The following HEATR1 variants were observed in gnomAD, a reference collection of about 807,000 sequenced individuals.
HEATR1 encodes the protein HEAT repeat containing 1.
A neutral mutation model predicts 248.2 loss-of-function variants in HEATR1; 77 were observed. The ratio of observed to expected loss-of-function variants is 0.31; its 90% CI spans 0.26 to 0.37. The LOEUF (loss-of-function observed/expected upper bound fraction) is 0.37, where lower values mean the gene tolerates loss of function less well. Among genes scored for constraint, HEATR1 ranks in the 10% least tolerant of loss-of-function variants. HEATR1 has a pLI of 1.00. For synonymous variants in HEATR1, 897 were observed against 923.1 expected (o/e 0.97, Z 0.51); for missense variants, 2,420 against 2,504.9 (o/e 0.97, Z 0.72).
chr1:236,566,166 C>T lies in HEATR1; in HGVS notation c.4309-121G>A, dbSNP rs563100593. On this transcript the variant is annotated intron_variant, in intron 30 of 44. Transcript: ENST00000366582. ...GTATACTACTTTATTTAGAGTGGGT[C>T]GAGATCTACTCCCAGATCCCATGTC... 2.5e-4 allele frequency: 220 copies of T among 877,852 alleles called. 2 individuals are homozygous for T. The South Asian group carries it at 3.2e-3, about 13-fold the overall frequency. The allele number at this position is 877,852 out of a possible 1,614,324, so 54.4% of individuals were successfully genotyped here. A position where few individuals can be genotyped will look rare whatever the true frequency, so the allele number is the denominator to read the frequency against.
At chr1:236,566,308 A>G (rs1352348827) in intron 30 of HEATR1, among the ~76,000 whole-genome samples, 1 of 152,088 alleles carries the variant, frequency 6.6e-6, no homozygotes, top group Non-Finnish European at 1.5e-5. Flanking sequence ...TTTCCCCACA[A>G]ACTGCCTTCA....
chr1:236,566,196 A>G, intron 30 of HEATR1, 151 bp from the exon 31 acceptor site: 1 of 723,544 alleles, frequency 1.4e-6, no homozygotes, highest in South Asian at 2.1e-5. Context: ...CATGTCTAAG[A>G]AGTCATTTAA....
intron 35 of HEATR1, 118 bp downstream of exon 35, chr1:236,558,877 T>G (rs1412615506): frequency 2.3e-6 from 2 of 882,830 alleles, no homozygotes; most frequent in African/African-American, 3.4e-5. Context: ...GGTATTATAT[T>G]CAGAAAATAA....
intron 4 of HEATR1, 104 bp from the exon 5 acceptor site, chr1:236,598,083 T>C: frequency 1.6e-6 from 1 of 624,554 alleles, no homozygotes. Flanking sequence ...AATTCATAAA[T>C]AAAAAATATA....
At position 236,583,094 on chromosome 1, in the gene HEATR1, C is replaced by A; in HGVS notation, c.2344G>T (p.Ala782Ser). 6.2e-7 allele frequency: 1 copy of A among 1,614,134 alleles called. No individual in the cohort carries two copies. Among genetic ancestry groups the A allele is most frequent in the South Asian group, 1.1e-5 (1 of 91,088 alleles). Residue 782 changes from alanine to serine, a missense_variant, in exon 18 of 45, where the codon GCC becomes TCC. Coordinates refer to ENST00000366582, the MANE Select transcript of HEATR1 (RefSeq NM_018072.6). ...VEELNSTQRV[A>S]VEDSVFLVFS... ...ACAAGAAAAACCGAGTCCTCCACGG[C>A]CACCCTCTGAGTGCTGTTGAGCTCT...
chr1:236,563,471 A>G (rs989641047), intron 32 of HEATR1, among the ~76,000 whole-genome samples: 1 of 151,790 alleles, frequency 6.6e-6, no homozygotes, highest in Admixed American at 6.6e-5. Context: ...TTTAGTAGAG[A>G]CCATGTTAGC....
chr1:236,603,055 A>G (rs1219469190), intron 3 of HEATR1, 105 bp downstream of exon 3: 3 of 757,454 alleles, frequency 4.0e-6, no homozygotes, highest in Admixed American at 4.3e-5. Context: ...CAATCTCTTA[A>G]TATACCTAAT....
chr1:236,591,142 T>C (rs951441506), intron 11 of HEATR1, among the ~76,000 whole-genome samples, 188 bp from the exon 12 acceptor site: 2 of 147,774 alleles, frequency 1.4e-5, no homozygotes, highest in Non-Finnish European at 3.0e-5. Flanking sequence ...ATGAAAAAAT[T>C]TGTATTGTTA....
chr1:236,587,478 G>A lies in HEATR1; in HGVS notation c.1639C>T (p.His547Tyr). Reference protein sequence around the residue: ...AISAFEIFKEHFSSEVTISNL... With the variant: ...AISAFEIFKEYFSSEVTISNL... ...GAAATCGTCACTTCTGAACTGAAGT[G>A]TTCTTTGAAAATCTAAAGGGAAAAA... The change falls in exon 14 of 45, where the codon CAC (histidine) becomes TAC (tyrosine). Residue 547 changes from histidine (H) to tyrosine (Y), a missense_variant. By Grantham distance (83) the His-to-Tyr change is moderately conservative. Coordinates refer to ENST00000366582, the MANE Select transcript of HEATR1 (RefSeq NM_018072.6). 3 of 1,507,620 alleles carry A rather than the reference G, an allele frequency of 2.0e-6. No homozygotes were observed. Among genetic ancestry groups the A allele is most frequent in the South Asian group, 1.4e-5 (1 of 73,640 alleles). The allele number at this position is 1,507,620 out of a possible 1,614,324, so 93.4% of individuals were successfully genotyped here. A position where few individuals can be genotyped will look rare whatever the true frequency, so the allele number is the denominator to read the frequency against.
intron 30 of HEATR1, 70 bp from the exon 31 acceptor site, chr1:236,566,115 T>C: frequency 6.8e-7 from 1 of 1,465,418 alleles, no homozygotes; most frequent in East Asian, 2.4e-5. Flanking sequence ...CAGGATAATG[T>C]GCGTTAGGAT....
In HEATR1 at chr1:236,587,500, A is replaced by C; in HGVS notation, c.1627-10T>G. On this transcript the variant is annotated splice_polypyrimidine_tract_variant and intron_variant, in intron 13 of 44. Coordinates refer to ENST00000366582, the MANE Select transcript of HEATR1 (RefSeq NM_018072.6). ...AGTGTTCTTTGAAAATCTAAAGGGA[A>C]AAAAATATCCAGAGTAGATTTGTAC... is the stretch of plus-strand genomic sequence containing the variant. The C allele has an allele frequency of 7.2e-7, 1 of 1,393,742 alleles. No homozygotes were observed. Among genetic ancestry groups the C allele is most frequent in the Non-Finnish European group, 9.8e-7 (1 of 1,025,300 alleles). The allele number at this position is 1,393,742 out of a possible 1,614,324, so 86.3% of individuals were successfully genotyped here. A position where few individuals can be genotyped will look rare whatever the true frequency, so the allele number is the denominator to read the frequency against.
intron 3 of HEATR1, among the ~76,000 whole-genome samples, chr1:236,601,744 G>A (rs535106257): frequency 2.2e-4 from 34 of 152,218 alleles, no homozygotes; most frequent in African/African-American, 6.3e-4. Flanking sequence ...GGCTGAGATC[G>A]GAGGATCATT....
At position 236,579,909 on chromosome 1, in the gene HEATR1, A is replaced by G. The variant is rs543836577; in HGVS notation, c.2755+1313T>C. ...TAACTTGCTTTCACAGAACATTTAC[A>G]AAGAGTAATTTTGGAATTAAAAAAA... On this transcript the variant is annotated intron_variant, in intron 20 of 44. Coordinates refer to ENST00000366582, the MANE Select transcript of HEATR1 (RefSeq NM_018072.6). 3.3e-5 allele frequency among the ~76,000 whole-genome samples: 5 copies of G among 149,444 alleles called. No individual in the cohort carries two copies. The Admixed American group carries it at 3.4e-4, about 10-fold the overall frequency.
intron 20 of HEATR1, among the ~76,000 whole-genome samples, 175 bp downstream of exon 20, chr1:236,581,047 T>A (rs1229281917): frequency 6.6e-6 from 1 of 151,882 alleles, no homozygotes; most frequent in African/African-American, 2.4e-5. Context: ...CTTGATCTCC[T>A]GACCTCATGA....
intron 44 of HEATR1, chr1:236,551,350 C>T (rs1662733737): frequency 4.9e-6 from 1 of 203,156 alleles, no homozygotes; most frequent in Admixed American, 5.4e-5. Flanking sequence ...GACTGATCTA[C>T]TTGCTCCACC....
rs916070176 is a variant in HEATR1 at position 236,572,767 on chromosome 1, A to C, written c.3521T>G (p.Leu1174Trp). The change falls in exon 25 of 45, where the codon TTG becomes TGG. Residue 1174 changes from leucine to tryptophan, a missense_variant. Coordinates refer to ENST00000366582, the MANE Select transcript of HEATR1 (RefSeq NM_018072.6). ...CCTTCTTTTTTGCTGAACTGTGCCC[A>C]AGGGTTTAGCTTTATCTGGTGGCTC... ...ELEPPDKAKP[L>W]GTVQQKRRQK... is the part of the protein sequence containing the mutation. 1 of 1,613,882 alleles carries C rather than the reference A, an allele frequency of 6.2e-7. No homozygotes were observed. The highest frequency in any genetic ancestry group is 8.5e-7 in the Non-Finnish European group (1 of 1,179,892).
Position 236,596,880 on chromosome 1 carries a change from C to A in HEATR1, c.700G>T (p.Val234Leu). The A allele has an allele frequency of 6.2e-7, 1 of 1,614,034 alleles. No individual in the cohort carries two copies. Among genetic ancestry groups the A allele is most frequent in the Non-Finnish European group, 8.5e-7 (1 of 1,179,936 alleles). Residue 234 changes from valine to leucine, a missense_variant, in exon 6 of 45, where the codon GTA becomes TTA. By Grantham distance (32) the Val-to-Leu change is conservative. Coordinates refer to ENST00000366582, the MANE Select transcript of HEATR1 (RefSeq NM_018072.6). Reference sequence around the variant, plus strand: ...AGTTTGGCGATGATATTGTCTGATACGTCCTCTGCAGCTACCAGCGCCGAC... The same window carrying A: ...AGTTTGGCGATGATATTGTCTGATAAGTCCTCTGCAGCTACCAGCGCCGAC... Reference protein sequence around the residue: ...IVSALVAAEDVSDNIIAKLFP... With the variant: ...IVSALVAAEDLSDNIIAKLFP...
At chr1:236,576,150 C>A in intron 22 of HEATR1, 69 bp downstream of exon 22, 1 of 1,231,462 alleles carries the variant, frequency 8.1e-7, no homozygotes, top group Non-Finnish European at 1.1e-6. Context: ...GTCTTCTTCA[C>A]CCACAAGCAG....
intron 35 of HEATR1, 110 bp downstream of exon 35, chr1:236,558,885 T>C (rs931693713): frequency 1.7e-5 from 16 of 943,380 alleles, no homozygotes; most frequent in Admixed American, 2.6e-5. Context: ...ATTCAGAAAA[T>C]AATATACTTC....
Sources: gnomAD v4.1 joint callset for allele counts (sites outside exome capture counted in the v4.1 genomes callset) on GRCh38, gnomAD v4.1.1 for gene constraint, MANE v1.5 for transcripts, NCBI Gene and HGNC (gene_info 2026-07-23, HGNC 2026-07-21) for gene names.